Variants in GFM2 observed in about 807,000 individuals in gnomAD.
The protein encoded by GFM2 is GTP dependent ribosome recycling factor mitochondrial 2.
Under a neutral mutation model 95.4 loss-of-function variants are expected in GFM2, and 72 were observed. The ratio of observed to expected loss-of-function variants is 0.76; its 90% CI spans 0.62 to 0.92. The LOEUF (loss-of-function observed/expected upper bound fraction) is 0.92. GFM2 is among the 40% of genes least tolerant of loss of function. The probability of loss-of-function intolerance (pLI) is 0.00; values close to 1 mark genes in which losing one functional copy is unlikely to be tolerated. For missense variants in GFM2, 825 were observed against 924.1 expected (o/e 0.89, Z 1.39); for synonymous variants, 276 against 317.5 (o/e 0.87, Z 1.39).
rs1199888299 is a variant in GFM2, at chr5:74,721,530, T to TA, written c.*124dup. Reference sequence around the variant, plus strand: ...CTATCAAAGCTTAAGTTATATCTTTTATCTAGTTCTCTGAATGTACTGAAA... The same window carrying TA: ...CTATCAAAGCTTAAGTTATATCTTTTAATCTAGTTCTCTGAATGTACTGAAA... On this transcript the variant is annotated 3_prime_UTR_variant, in exon 21 of 21. Transcript: ENST00000296805. 199 of 1,054,426 alleles carry TA rather than the reference T, an allele frequency of 1.9e-4. No homozygotes were observed. Among genetic ancestry groups the TA allele is most frequent in the Non-Finnish European group, 2.7e-4 (188 of 698,622 alleles). The allele number at this position is 1,054,426 out of a possible 1,614,324, so 65.3% of individuals were successfully genotyped here. A position where few individuals can be genotyped will look rare whatever the true frequency, so the allele number is the denominator to read the frequency against.
intron 4 of GFM2, 111 bp from the exon 5 acceptor site, chr5:74,759,057 A>G: frequency 1.5e-6 from 1 of 686,932 alleles, no homozygotes; most frequent in Non-Finnish European, 2.5e-6. Context: ...ACTGTGTAAA[A>G]ACTAGAAAAA....
chr5:74,757,143 CT>C (rs1406074824), intron 5 of GFM2, among the ~76,000 whole-genome samples: 1 of 151,960 alleles, frequency 6.6e-6, no homozygotes, highest in African/African-American at 2.4e-5. Flanking sequence ...CTAAGATTAT[CT>C]TTAATTATAA....
At chr5:74,736,497 T>C (rs911710430) in intron 15 of GFM2, 1 of 985,224 alleles carries the variant, frequency 1.0e-6, no homozygotes, top group African/African-American at 1.7e-5. Flanking sequence ...TACTGTCTAA[T>C]CTAATATACT....
intron 10 of GFM2, among the ~76,000 whole-genome samples, chr5:74,745,252 G>A (rs1398325613): frequency 6.6e-6 from 1 of 152,184 alleles, no homozygotes; most frequent in Non-Finnish European, 1.5e-5. Flanking sequence ...GGCTGAGGCA[G>A]GAGAATCACT....
At chr5:74,744,989 T>C (rs959416969) in intron 10 of GFM2, among the ~76,000 whole-genome samples, 4 of 152,172 alleles carry the variant, frequency 2.6e-5, no homozygotes, top group African/African-American at 7.2e-5. Context: ...ATTTCATTTA[T>C]GTAAAGTTCA....
chr5:74,763,945 T>A lies in GFM2; in HGVS notation c.-24-179A>T, dbSNP rs147231258. 0.016 allele frequency among the ~76,000 whole-genome samples: 2,460 copies of A among 152,328 alleles called. 13 individuals are homozygous for A. Among genetic ancestry groups the A allele is most frequent in the Admixed American group, 0.022 (340 of 15,302 alleles). On this transcript the variant is annotated intron_variant, in intron 1 of 20. Coordinates refer to ENST00000296805, the MANE Select transcript of GFM2 (RefSeq NM_032380.5). ...CATTCAGAAAATGGAAAATTCTGAT[T>A]AAATATGAGAAATATGGTTTTTAGG...
At chr5:74,762,955 A>G (rs1183873020) in intron 2 of GFM2, among the ~76,000 whole-genome samples, 1 of 152,238 alleles carries the variant, frequency 6.6e-6, no homozygotes, top group African/African-American at 2.4e-5. Context: ...CAAAACCATG[A>G]ATAAGGGGAA....
chr5:74,738,132 C>T (rs1241639121), intron 14 of GFM2, among the ~76,000 whole-genome samples, 186 bp downstream of exon 14: 2 of 152,136 alleles, frequency 1.3e-5, no homozygotes, highest in African/African-American at 4.8e-5. Context: ...CTGTGGTCTT[C>T]CGTAATCTAC....
At chr5:74,739,941 TG>T (rs1211964093) in intron 12 of GFM2, 47 bp downstream of exon 12, 24 of 1,304,078 alleles carry the variant, frequency 1.8e-5, no homozygotes, top group Non-Finnish European at 2.3e-5. Flanking sequence ...TTTGCCTACT[TG>T]TTTCTTCAAA....
intron 12 of GFM2, 112 bp from the exon 13 acceptor site, chr5:74,738,754 G>T: frequency 3.2e-6 from 3 of 937,100 alleles, no homozygotes; most frequent in East Asian, 2.7e-5. Context: ...GCTACTTAGA[G>T]CCACTAAATA....
At position 74,758,861 on chromosome 5, in the gene GFM2, T is replaced by A. The variant is rs772410310; in HGVS notation, c.292A>T (p.Arg98Ter). The A allele has an allele frequency of 6.3e-7, 1 of 1,596,226 alleles. No homozygotes were observed. Among genetic ancestry groups the A allele is most frequent in the Admixed American group, 1.7e-5 (1 of 59,878 alleles). ...ERILYYSGYT[R>*]SLGDVDDGDT... Reference sequence around the variant, plus strand: ...AATCCATTCTAACCTCCCAGTGATCTTGTATATCCGGAATAGTACAATATT... The same window carrying A: ...AATCCATTCTAACCTCCCAGTGATCATGTATATCCGGAATAGTACAATATT... Residue 98 changes from arginine (R) to a stop codon, truncating the protein, a stop_gained, in exon 5 of 21, where the codon AGA becomes TGA. Coordinates refer to ENST00000296805, the MANE Select transcript of GFM2 (RefSeq NM_032380.5). LOFTEE classifies it high-confidence loss of function.
intron 3 of GFM2, among the ~76,000 whole-genome samples, chr5:74,759,825 T>C (rs1388944406): frequency 1.3e-5 from 2 of 152,144 alleles, no homozygotes; most frequent in African/African-American, 4.8e-5. Context: ...TTTCCAGGGT[T>C]TGAAGAGCTA....
chr5:74,757,278 G>A (rs1170393925), intron 5 of GFM2, among the ~76,000 whole-genome samples: 1 of 151,894 alleles, frequency 6.6e-6, no homozygotes, highest in African/African-American at 2.4e-5. Flanking sequence ...CAGTTTCTTG[G>A]CATCATAAGA....
intron 16 of GFM2, 81 bp from the exon 17 acceptor site, chr5:74,730,479 T>C: frequency 1.1e-6 from 1 of 878,582 alleles, no homozygotes; most frequent in Non-Finnish European, 1.6e-6. Context: ...ATGATGTTAA[T>C]ACATACTTAT....
In GFM2 at chr5:74,740,020, G is replaced by A. The variant is rs1743035307; in HGVS notation, c.1048C>T (p.Pro350Ser). 6.3e-7 allele frequency: 1 copy of A among 1,588,670 alleles called. No homozygotes were observed. The highest frequency in any genetic ancestry group is 1.8e-5 in the Admixed American group (1 of 54,856). ...PLLDAVTMYLPSPEERNYEFL... is the reference protein window; with the variant it reads ...PLLDAVTMYLSSPEERNYEFL... ...TCATAGTTACGCTCTTCAGGTGAAG[G>A]TAAGTACATAGTAACAGCATCTAAC... is the stretch of plus-strand genomic sequence containing the variant. Residue 350 changes from proline to serine, a missense_variant, in exon 12 of 21, where the codon CCT (proline) becomes TCT (serine). Physicochemically the swap from Pro to Ser is moderately conservative, Grantham distance 74 (BLOSUM62 -1). Coordinates refer to ENST00000296805, the MANE Select transcript of GFM2 (RefSeq NM_032380.5).
intron 1 of GFM2, 63 bp from the exon 2 acceptor site, chr5:74,763,829 A>C (rs1744406989): frequency 1.1e-6 from 1 of 950,678 alleles, no homozygotes; most frequent in Non-Finnish European, 1.7e-6. Context: ...AGCAAGGCAT[A>C]TGTAAGTTAG....
At chr5:74,741,437 T>TA (rs549046620) in intron 11 of GFM2, 92 bp downstream of exon 11, 1,336 of 594,884 alleles carry the variant, frequency 2.2e-3, no homozygotes, top group South Asian at 3.0e-3. Context: ...ATGCAAAGTT[T>TA]AAAAAAAAAA....
chr5:74,749,662 CT>C (rs1235372748), intron 7 of GFM2, among the ~76,000 whole-genome samples: 1 of 152,092 alleles, frequency 6.6e-6, no homozygotes, highest in African/African-American at 2.4e-5. Context: ...ATCATATTCT[CT>C]TATATAACCA....
In GFM2 at chr5:74,726,052, AT is replaced by A; in HGVS notation, c.1800del (p.Ser601HisfsTer6). ...AACTCAATCACAGGCATAACAGATG[AT>A]GTTTCAATTGGCCTTGCTTCCACTT... Reference protein sequence around the residue: ...TVEVEARPIETSSVMPVIEFE... With the variant: ...TVEVEARPIEXSSVMPVIEFE... On this transcript the variant is annotated frameshift_variant, in exon 18 of 21. Coordinates refer to ENST00000296805, the MANE Select transcript of GFM2 (RefSeq NM_032380.5). LOFTEE classifies it high-confidence loss of function. 6.2e-7 allele frequency: 1 copy of A among 1,613,608 alleles called. No homozygotes were observed. Among genetic ancestry groups the A allele is most frequent in the Non-Finnish European group, 8.5e-7 (1 of 1,179,792 alleles).
Sources: gnomAD v4.1 joint callset for allele counts (sites outside exome capture counted in the v4.1 genomes callset) on GRCh38, gnomAD v4.1.1 for gene constraint, MANE v1.5 for transcripts, NCBI Gene and HGNC (gene_info 2026-07-23, HGNC 2026-07-21) for gene names.